Variants in ZNF362 observed in about 807,000 individuals in gnomAD.
ZNF362 encodes the protein zinc finger protein 362.
Under a neutral mutation model 42.9 loss-of-function variants are expected in ZNF362, and 11 were observed. The observed-to-expected ratio is 0.26, with a 90% CI of 0.16 to 0.42. The LOEUF (loss-of-function observed/expected upper bound fraction) is 0.42. ZNF362 is among the 20% of genes least tolerant of loss of function. The pLI, the probability that ZNF362 is intolerant of heterozygous loss-of-function variation, is 1.00. For missense variants in ZNF362, 362 were observed against 576.2 expected, an observed-to-expected ratio of 0.63 and a Z score of 3.81; for synonymous variants, 255 against 257.3, an observed-to-expected ratio of 0.99 and a Z score of 0.09.
chr1:33,246,982 A>G, the ZNF362 span, among the ~76,000 whole-genome samples: 1 of 152,208 alleles, frequency 6.6e-6, no homozygotes, highest in South Asian at 2.1e-4. Context: ...AGGTGGAGAA[A>G]GAATAAAGCT....
At chr1:33,151,420 C>T in the ZNF362 span, among the ~76,000 whole-genome samples, 1 of 152,102 alleles carries the variant, frequency 6.6e-6, no homozygotes, top group Non-Finnish European at 1.5e-5. Flanking sequence ...AGGCCTTGCA[C>T]GAATCATTAA....
At chr1:33,238,750 G>A in the ZNF362 span, among the ~76,000 whole-genome samples, 3 of 152,108 alleles carry the variant, frequency 2.0e-5, no homozygotes, top group South Asian at 4.2e-4. Context: ...GATAGGACTG[G>A]GGTCCTTATG....
At chr1:33,160,359 G>A in the ZNF362 span, among the ~76,000 whole-genome samples, 3 of 152,094 alleles carry the variant, frequency 2.0e-5, no homozygotes, top group South Asian at 4.2e-4. Flanking sequence ...ACAGGGTGAA[G>A]ATGTTCTCTC....
the ZNF362 span, among the ~76,000 whole-genome samples, chr1:33,217,526 G>C: frequency 0.99 from 150,730 of 152,304 alleles, 74,604 homozygotes; most frequent in Middle Eastern, 1. Flanking sequence ...CCAGCTTGCT[G>C]TCCTAGCAGG....
chr1:33,204,651 A>G, the ZNF362 span, among the ~76,000 whole-genome samples: 1 of 152,192 alleles, frequency 6.6e-6, no homozygotes, highest in East Asian at 1.9e-4. Flanking sequence ...TTCAAATGGC[A>G]TTTATGAAAA....
chr1:33,282,582 G>A (rs1646003412), intron 6 of ZNF362, among the ~76,000 whole-genome samples: 1 of 152,178 alleles, frequency 6.6e-6, no homozygotes, highest in Non-Finnish European at 1.5e-5. Context: ...AGCACTTTAG[G>A]AGGCTGAGGC....
chr1:33,217,363 C>G, the ZNF362 span, among the ~76,000 whole-genome samples: 1 of 152,190 alleles, frequency 6.6e-6, no homozygotes, highest in African/African-American at 2.4e-5. Flanking sequence ...CTTGCCCAAT[C>G]TGAGCCATGT....
chr1:33,222,017 G>A, the ZNF362 span, among the ~76,000 whole-genome samples: 1 of 152,156 alleles, frequency 6.6e-6, no homozygotes, highest in Non-Finnish European at 1.5e-5. Flanking sequence ...GAAAGAGTGA[G>A]GTAGTATGTG....
At chr1:33,150,206 C>G in the ZNF362 span, among the ~76,000 whole-genome samples, 1 of 152,376 alleles carries the variant, frequency 6.6e-6, no homozygotes, top group Admixed American at 6.5e-5. Flanking sequence ...GGAATTGCCT[C>G]TGTTCCTTGG....
chr1:33,153,426 GA>G, the ZNF362 span, among the ~76,000 whole-genome samples: 1 of 152,230 alleles, frequency 6.6e-6, no homozygotes, highest in African/African-American at 2.4e-5. Context: ...GCTTCCCAGG[GA>G]CATCTGGCAA....
At chr1:33,278,658 C>T (rs996009637) in intron 4 of ZNF362, among the ~76,000 whole-genome samples, 2 of 152,160 alleles carry the variant, frequency 1.3e-5, no homozygotes, top group African/African-American at 4.8e-5. Context: ...TATTCCTGTG[C>T]GTTTACATGC....
In ZNF362 at chr1:33,266,397, G is replaced by A. The variant is rs757234273; in HGVS notation, c.-88-4090G>A. Among the ~76,000 whole-genome samples, 8 of 152,232 alleles carry A rather than the reference G, an allele frequency of 5.3e-5. No individual in the cohort carries two copies. The highest frequency in any genetic ancestry group is 1.0e-4 in the Non-Finnish European group (7 of 68,040). On this transcript the variant is annotated intron_variant, in intron 1 of 8. Coordinates refer to ENST00000539719, the MANE Select transcript of ZNF362 (RefSeq NM_152493.3). The surrounding 1 kb of genome is among the most constrained non-coding windows in gnomAD (Gnocchi z 4.3). ...TGGGCTCTGGGGCTGCAGCAGTGAC[G>A]GCTGATGGGGAGACAGGCCTAAAGC...
intron 6 of ZNF362, among the ~76,000 whole-genome samples, chr1:33,291,729 C>T (rs955527194): frequency 1.3e-5 from 2 of 152,158 alleles, no homozygotes; most frequent in African/African-American, 4.8e-5. Context: ...TTTGTATCCT[C>T]TTTTATTTAT....
the ZNF362 span, among the ~76,000 whole-genome samples, chr1:33,235,845 G>C: frequency 1.3e-5 from 2 of 152,238 alleles, no homozygotes; most frequent in Non-Finnish European, 2.9e-5. Flanking sequence ...GTTTGGTCAA[G>C]CAGCGGACCT....
At chr1:33,289,465 C>A (rs926839228) in intron 6 of ZNF362, among the ~76,000 whole-genome samples, 2 of 152,020 alleles carry the variant, frequency 1.3e-5, no homozygotes, top group Admixed American at 6.5e-5. Context: ...GGCTGGGAGT[C>A]AAGGGGGAGG....
At chr1:33,265,401 G>A (rs1340086978) in intron 1 of ZNF362, among the ~76,000 whole-genome samples, 2 of 152,060 alleles carry the variant, frequency 1.3e-5, no homozygotes. Context: ...AACCCCTCCT[G>A]CTCTGATTAG....
the ZNF362 span, chr1:33,181,590 G>A: frequency 7.5e-7 from 1 of 1,331,970 alleles, no homozygotes; most frequent in Non-Finnish European, 9.8e-7. This position sits in a 1 kb window ranked among gnomAD's most constrained non-coding sequence, Gnocchi z 6.5. Context: ...TGTCCGGAAG[G>A]AGGGTAACGC....
At chr1:33,161,742 A>G in the ZNF362 span, among the ~76,000 whole-genome samples, 1 of 152,158 alleles carries the variant, frequency 6.6e-6, no homozygotes, top group Non-Finnish European at 1.5e-5. The surrounding 1 kb of genome is among the most constrained non-coding windows in gnomAD (Gnocchi z 4.3). Context: ...GCTGCCCTCC[A>G]CAGGCGCCCA....
At chr1:33,149,952 C>G in the ZNF362 span, among the ~76,000 whole-genome samples, 1 of 152,238 alleles carries the variant, frequency 6.6e-6, no homozygotes, top group African/African-American at 2.4e-5. Context: ...CCAAATTAAA[C>G]TGGCCATGTT....
Sources: gnomAD v4.1 joint callset for allele counts (sites outside exome capture counted in the v4.1 genomes callset) on GRCh38, gnomAD v4.1.1 for gene constraint, Gnocchi (gnomAD v3.1) non-coding constraint, MANE v1.5 for transcripts, NCBI Gene and HGNC (gene_info 2026-07-23, HGNC 2026-07-21) for gene names.